The following PCNX3 variants were observed in gnomAD, a reference collection of about 807,000 sequenced individuals.
PCNX3 encodes pecanex-like protein 3.
A neutral mutation model predicts 207.2 loss-of-function variants in PCNX3; 58 were observed. The ratio of observed to expected loss-of-function variants is 0.28; its 90% CI spans 0.23 to 0.35. The LOEUF is 0.35. Ranked by LOEUF, PCNX3 falls within the 10% of genes least tolerant of loss-of-function variation. The pLI, the probability that PCNX3 is intolerant of heterozygous loss-of-function variation, is 1.00. For synonymous variants in PCNX3, 1,337 were observed against 1,183.5 expected (o/e 1.13, Z -2.66); for missense variants, 2,410 against 2,774.4 (o/e 0.87, Z 2.95).
rs572213326 is a variant in PCNX3 at position 65,627,721 on chromosome 11, CAAGG to C, written c.3702+144_3702+147del. On this transcript the variant is annotated intron_variant, in intron 22 of 34. Transcript: ENST00000355703. The stretch of plus-strand genomic sequence containing the variant: ...CCCGTGGGCCTTTGCAGCAGCCTCT[CAAGG>C]AAGGGGTTACTTCCACCCTCTACAG... 1.1e-4 allele frequency: 119 copies of C among 1,069,272 alleles called. 1 individual carries two copies. The highest frequency in any genetic ancestry group is 6.9e-4 in the Middle Eastern group (3 of 4,320). The allele number at this position is 1,069,272 out of a possible 1,614,324, so 66.2% of individuals were successfully genotyped here.
chr11:65,636,629 G>T lies in PCNX3; in HGVS notation c.5832G>T (p.Leu1944=). The change falls in exon 34 of 35, where the codon CTG becomes CTT. Residue 1944 remains leucine (L), a synonymous_variant. Transcript: ENST00000355703. ...GKWSLGGRKG[L]GGSDGEPASG... ...GGAGCCTGGGGGGCCGGAAGGGGCT[G>T]GGAGGATCTGACGGGGAGCCAGCCT... 1 of 1,586,558 alleles carries T rather than the reference G, an allele frequency of 6.3e-7. No individual in the cohort carries two copies. Among genetic ancestry groups the T allele is most frequent in the Non-Finnish European group, 8.6e-7 (1 of 1,168,756 alleles).
Position 65,636,690 on chromosome 11 carries a change from G to C in PCNX3, c.5892+1G>C. Reference sequence around the variant, plus strand: ...CAAAGGAGGTACCCCCAAATCTCAGGTAAGGCACCTGTGGGAGGGTTGGGT... The same window carrying C: ...CAAAGGAGGTACCCCCAAATCTCAGCTAAGGCACCTGTGGGAGGGTTGGGT... On this transcript the variant is annotated splice_donor_variant, in intron 34 of 34. Transcript: ENST00000355703. LOFTEE classifies it high-confidence loss of function. 6.3e-7 allele frequency: 1 copy of C among 1,576,922 alleles called. No homozygotes were observed. The highest frequency in any genetic ancestry group is 8.6e-7 in the Non-Finnish European group (1 of 1,163,534).
chr11:65,637,002 C>T lies in PCNX3; in HGVS notation c.*24C>T. ...GAGCTACCTGGCGCCCACTGGACCA[C>T]CTCCTAGGATTCAGTAACGGACCTG... On this transcript the variant is annotated 3_prime_UTR_variant, in exon 35 of 35. Coordinates refer to ENST00000355703, the MANE Select transcript of PCNX3 (RefSeq NM_032223.4). The T allele has an allele frequency of 2.6e-6, 4 of 1,553,716 alleles. No individual in the cohort carries two copies. The highest frequency in any genetic ancestry group is 3.5e-6 in the Non-Finnish European group (4 of 1,152,922).
At position 65,628,961 on chromosome 11, in the gene PCNX3, G is replaced by A; in HGVS notation, c.3941+13G>A. The A allele has an allele frequency of 6.2e-7, 1 of 1,610,040 alleles. No individual in the cohort carries two copies. The highest frequency in any genetic ancestry group is 1.1e-5 in the South Asian group (1 of 91,020). Reference sequence around the variant, plus strand: ...AGCGCGACTACAAGTGAGTCTCACAGGAGGCGGGAGCATGCCCAGCAGGGC... The same window carrying A: ...AGCGCGACTACAAGTGAGTCTCACAAGAGGCGGGAGCATGCCCAGCAGGGC... On this transcript the variant is annotated intron_variant, in intron 24 of 34. Coordinates refer to ENST00000355703, the MANE Select transcript of PCNX3 (RefSeq NM_032223.4).
chr11:65,626,991 A>C lies in PCNX3; in HGVS notation c.3467A>C (p.Asn1156Thr). The C allele has an allele frequency of 1.3e-6, 2 of 1,552,838 alleles. No individual in the cohort carries two copies. Among genetic ancestry groups the C allele is most frequent in the Non-Finnish European group, 1.7e-6 (2 of 1,148,230 alleles). Residue 1156 changes from asparagine (N) to threonine (T), a missense_variant, in exon 21 of 35, where the codon AAC (asparagine) becomes ACC (threonine). Transcript: ENST00000355703. ...CTCATCTACCCCGCCGTGGTGCTCA[A>C]CGCCCTCACGGTGGACGCCCACACA... The part of the protein sequence containing the change: ...KYLIYPAVVL[N>T]ALTVDAHTVV...
chr11:65,625,301 GTGTT>G lies in PCNX3; in HGVS notation c.3029+25_3029+28del. The G allele has an allele frequency of 6.3e-7, 1 of 1,599,782 alleles. No homozygotes were observed. On this transcript the variant is annotated intron_variant, in intron 17 of 34. Coordinates refer to ENST00000355703, the MANE Select transcript of PCNX3 (RefSeq NM_032223.4). This position sits in a 1 kb window ranked among gnomAD's most constrained non-coding sequence, Gnocchi z 5.6. ...CTCTGGTGGGTGTGCTCCGGGTCGT[GTGTT>G]TGTGTCTGCCCAGTAGGGGTTTGTG...
chr11:65,618,925 C>T lies in PCNX3; in HGVS notation c.1563C>T (p.Cys521=). The change falls in exon 6 of 35, where the codon TGC becomes TGT. Residue 521 remains cysteine (C), a synonymous_variant. Coordinates refer to ENST00000355703, the MANE Select transcript of PCNX3 (RefSeq NM_032223.4). ...TTCTGAGGCCCCCACTGGCTGGCTG[C>T]AAGGCAGAGCTGGAGGCCCAGGTTG... is the stretch of plus-strand genomic sequence containing the variant. ...GDVLRPPLAG[C]KAELEAQVGV... 1 of 1,607,636 alleles carries T rather than the reference C, an allele frequency of 6.2e-7. No homozygotes were observed. Among genetic ancestry groups the T allele is most frequent in the Non-Finnish European group, 8.5e-7 (1 of 1,178,158 alleles).
intron 27 of PCNX3, 29 bp downstream of exon 27, chr11:65,630,633 AG>A (rs1308405733): frequency 6.3e-7 from 1 of 1,596,964 alleles, no homozygotes. Flanking sequence ...GCCGGGCAGC[AG>A]GGCCCTTGCG....
rs761072558 is a variant in PCNX3 at position 65,624,186 on chromosome 11, A to G, written c.2545-9A>G. 11 of 1,599,228 alleles carry G rather than the reference A, an allele frequency of 6.9e-6. No individual in the cohort carries two copies. The Admixed American group carries it at 1.2e-4, about 17-fold the overall frequency. ...GGGAGACCCAGCTCCTCATGGGCTG[A>G]CCCCTCAGGGCCACAACTGGGTGAT... On this transcript the variant is annotated splice_polypyrimidine_tract_variant and intron_variant, in intron 13 of 34. Transcript: ENST00000355703.
chr11:65,636,511 C>T lies in PCNX3; in HGVS notation c.5714C>T (p.Pro1905Leu). ...TGGCCTCCCCCTCGGCTCCCTGGAC[C>T]ACCCCCTGCATCGCCTATCCCCACA... ...LQWPPPRLPG[P>L]PPASPIPTEG... The change falls in exon 34 of 35, where the codon CCA becomes CTA. Residue 1905 changes from proline (P) to leucine (L), a missense_variant. This residue lies in a region of PCNX3 where 278 missense variants were observed against 245.1 expected (regional missense o/e 1.13). Coordinates refer to ENST00000355703, the MANE Select transcript of PCNX3 (RefSeq NM_032223.4). The T allele has an allele frequency of 6.3e-7, 1 of 1,582,296 alleles. No individual in the cohort carries two copies. The highest frequency in any genetic ancestry group is 8.6e-7 in the Non-Finnish European group (1 of 1,166,206).
Position 65,636,277 on chromosome 11 carries a change from G to A in PCNX3, c.5563G>A (p.Val1855Met), listed in dbSNP as rs776124310. The change falls in exon 33 of 35, where the codon GTG (valine) becomes ATG (methionine). Residue 1855 changes from valine to methionine, a missense_variant. By Grantham distance (21) the Val-to-Met change is conservative (BLOSUM62 1). Around this residue, in one of 8 missense-constraint regions of PCNX3, gnomAD observed 278 missense variants for 245.1 expected, o/e 1.13. Coordinates refer to ENST00000355703, the MANE Select transcript of PCNX3 (RefSeq NM_032223.4). Reference sequence around the variant, plus strand: ...GACCTCCCTCAGCAATAACCCCCCCGTGGCACACCCCACACCTGAGAACAC... The same window carrying A: ...GACCTCCCTCAGCAATAACCCCCCCATGGCACACCCCACACCTGAGAACAC... ...GLTSLSNNPPVAHPTPENTAG... is the reference protein window; with the variant it reads ...GLTSLSNNPPMAHPTPENTAG... The A allele has an allele frequency of 1.3e-5, 21 of 1,604,430 alleles. No individual in the cohort carries two copies. The highest frequency in any genetic ancestry group is 1.7e-5 in the Non-Finnish European group (20 of 1,175,478).
chr11:65,630,029 T>C (rs1855557066), intron 26 of PCNX3, among the ~76,000 whole-genome samples: 1 of 152,224 alleles, frequency 6.6e-6, no homozygotes, highest in Non-Finnish European at 1.5e-5. Flanking sequence ...GCCTGCTCTG[T>C]GGTCTCAGGC....
Position 65,625,547 on chromosome 11 carries a change from G to T in PCNX3, c.3135+37G>T, listed in dbSNP as rs768222768. On this transcript the variant is annotated intron_variant, in intron 18 of 34. Coordinates refer to ENST00000355703, the MANE Select transcript of PCNX3 (RefSeq NM_032223.4). The surrounding 1 kb of genome is among the most constrained non-coding windows in gnomAD (Gnocchi z 5.6). ...GGGGGTGGGGGTCTGTGGGGAGGTG[G>T]TGACAGGTCCTGGGGTTCCTGGGAG... 6.4e-7 allele frequency: 1 copy of T among 1,572,756 alleles called. No individual in the cohort carries two copies. Among genetic ancestry groups the T allele is most frequent in the Admixed American group, 1.8e-5 (1 of 56,518 alleles).
intron 1 of PCNX3, 148 bp from the exon 2 acceptor site, chr11:65,616,676 C>A (rs369649616): frequency 1.0e-5 from 10 of 1,000,062 alleles, no homozygotes; most frequent in Admixed American, 2.7e-5. Flanking sequence ...GAATACAGAG[C>A]CCTTTGTCGA....
intron 27 of PCNX3, among the ~76,000 whole-genome samples, chr11:65,631,080 G>C (rs1590899698): frequency 6.6e-6 from 1 of 152,250 alleles, no homozygotes; most frequent in Non-Finnish European, 1.5e-5. Context: ...AGATGTGGAA[G>C]TTGGCTTGCA....
chr11:65,629,929 G>A (rs1228371630), intron 26 of PCNX3, among the ~76,000 whole-genome samples, 194 bp downstream of exon 26: 1 of 152,206 alleles, frequency 6.6e-6, no homozygotes, highest in Non-Finnish European at 1.5e-5. Context: ...TCTTGGCCAA[G>A]CCCTGTGCCT....
Position 65,636,418 on chromosome 11 carries a change from G to A in PCNX3, c.5621G>A (p.Gly1874Asp). 1 of 1,555,340 alleles carries A rather than the reference G, an allele frequency of 6.4e-7. No homozygotes were observed. Among genetic ancestry groups the A allele is most frequent in the Non-Finnish European group, 8.7e-7 (1 of 1,151,600 alleles). The change falls in exon 34 of 35, where the codon GGC becomes GAC. Residue 1874 changes from glycine (G) to aspartate (D), a missense_variant. By Grantham distance (94) the Gly-to-Asp change is moderately conservative. This residue lies in a region of PCNX3 where 278 missense variants were observed against 245.1 expected (regional missense o/e 1.13). Coordinates refer to ENST00000355703, the MANE Select transcript of PCNX3 (RefSeq NM_032223.4). Reference protein sequence around the residue: ...AGNGDQPLPPGPGWGPRSSLS... With the variant: ...AGNGDQPLPPDPGWGPRSSLS... ...AATGGTGACCAACCCCTCCCACCAG[G>A]CCCTGGCTGGGGGCCGCGGTCCTCC...
chr11:65,624,865 T>C, intron 15 of PCNX3, 60 bp from the exon 16 acceptor site: 6 of 1,504,558 alleles, frequency 4.0e-6, no homozygotes, highest in Non-Finnish European at 5.4e-6. Context: ...GAAGCGCGGC[T>C]AGGGTTGAGG....
intron 22 of PCNX3, among the ~76,000 whole-genome samples, chr11:65,627,988 G>GTA (rs1423107525): frequency 6.6e-6 from 1 of 152,232 alleles, no homozygotes; most frequent in African/African-American, 2.4e-5. Context: ...GCCTGGGTGT[G>GTA]TATAGGTGCT....
Sources: allele counts gnomAD v4.1 joint callset (sites outside exome capture counted in the v4.1 genomes callset), GRCh38; gene constraint gnomAD v4.1.1; regional missense constraint gnomAD v4.1.1; non-coding constraint Gnocchi (gnomAD v3.1); transcripts MANE v1.5; gene names NCBI Gene and HGNC (gene_info 2026-07-23, HGNC 2026-07-21).